Variants in CENPO observed in about 807,000 individuals in gnomAD.
The protein encoded by CENPO is centromeric protein O.
CENPO carries 30 observed loss-of-function variants against 36.1 expected under a neutral mutation model. The ratio of observed to expected loss-of-function variants is 0.83; its 90% CI spans 0.62 to 1.13. The LOEUF is 1.13. Ranked by LOEUF, CENPO falls within the 50% of genes most tolerant of loss-of-function variation. The pLI is 0.00. For missense variants in CENPO, 349 were observed against 357.8 expected (o/e 0.98, Z 0.20); for synonymous variants, 171 against 142.3 (o/e 1.20, Z -1.44).
chr2:24,799,942 T>C, intron 3 of CENPO, 98 bp downstream of exon 3: 1 of 1,337,838 alleles, frequency 7.5e-7, no homozygotes, highest in Non-Finnish European at 1.0e-6. Context: ...TGTGTTTTAC[T>C]TGTGATCTTA....
intron 3 of CENPO, among the ~76,000 whole-genome samples, chr2:24,804,686 C>T (rs542631021): frequency 2.9e-4 from 44 of 152,264 alleles, no homozygotes; most frequent in African/African-American, 7.7e-4. Context: ...GAGTTTGTGC[C>T]GAGAGATCAG....
In CENPO at chr2:24,817,733, C is replaced by T. The variant is rs748609442; in HGVS notation, c.830C>T (p.Thr277Met). The T allele has an allele frequency of 6.8e-6, 11 of 1,614,046 alleles. No homozygotes were observed. Among genetic ancestry groups the T allele is most frequent in the East Asian group, 4.5e-5 (2 of 44,894 alleles). Reference protein sequence around the residue: ...QRASHETLFCTKPLHQVFASF... With the variant: ...QRASHETLFCMKPLHQVFASF... ...GCATCTCATGAAACTCTGTTCTGTACGAAGCCCTTGCATCAAGTGTTTGCC... is the reference window on the plus strand; with the variant it reads ...GCATCTCATGAAACTCTGTTCTGTATGAAGCCCTTGCATCAAGTGTTTGCC... The change falls in exon 7 of 8, where the codon ACG becomes ATG. Residue 277 changes from threonine to methionine, a missense_variant. Physicochemically the swap from Thr to Met is moderately conservative, Grantham distance 81. Transcript: ENST00000380834.
rs1203919275 is a variant in CENPO, at chr2:24,808,112, G to A, written c.217-6264G>A. On this transcript the variant is annotated intron_variant, in intron 3 of 7. Coordinates refer to ENST00000380834, the MANE Select transcript of CENPO (RefSeq NM_001322101.2). ...TGATGAAAATCTTTGTTTTAATGAA[G>A]TTTGATTTAGTAATTAAACTTTATT... 2.0e-5 allele frequency among the ~76,000 whole-genome samples: 3 copies of A among 152,128 alleles called. No individual in the cohort carries two copies. In the South Asian group the frequency reaches 6.2e-4, roughly 32 times the overall value.
chr2:24,818,207 T>C (rs181098517), intron 7 of CENPO, among the ~76,000 whole-genome samples: 4 of 152,250 alleles, frequency 2.6e-5, no homozygotes, highest in African/African-American at 9.6e-5. Flanking sequence ...TGCTACTAAT[T>C]TAATGCCAGG....
At position 24,816,791 on chromosome 2, in the gene CENPO, C is replaced by G. The variant is rs372444871; in HGVS notation, c.740C>G (p.Pro247Arg). The change falls in exon 6 of 8, where the codon CCC becomes CGC. Residue 247 changes from proline (P) to arginine (R), a missense_variant. By Grantham distance (103) the Pro-to-Arg change is moderately radical (BLOSUM62 -2). Coordinates refer to ENST00000380834, the MANE Select transcript of CENPO (RefSeq NM_001322101.2). ...LLYKDLTATL[P>R]TDVTVTCQGV... ...TATAAGGACCTCACAGCAACTCTTC[C>G]CACTGACGTCACCGTGACATGTCAA... 1.9e-6 allele frequency: 3 copies of G among 1,604,376 alleles called. No homozygotes were observed. Among genetic ancestry groups the G allele is most frequent in the African/African-American group, 1.3e-5 (1 of 74,462 alleles).
At position 24,819,986 on chromosome 2, in the gene CENPO, G is replaced by T. The variant is rs1667306120; in HGVS notation, c.*668G>T. The T allele has an allele frequency of 6.2e-7, 1 of 1,613,550 alleles. No homozygotes were observed. Among genetic ancestry groups the T allele is most frequent in the African/African-American group, 1.3e-5 (1 of 74,880 alleles). On this transcript the variant is annotated 3_prime_UTR_variant, in exon 8 of 8. Transcript: ENST00000380834. ...GTGTGACAGAGGGGCCATTGGGGAAGGTGGCTAGCTTATCCCGCCCCTTCA... is the reference window on the plus strand; with the variant it reads ...GTGTGACAGAGGGGCCATTGGGGAATGTGGCTAGCTTATCCCGCCCCTTCA...
intron 3 of CENPO, among the ~76,000 whole-genome samples, chr2:24,804,867 T>G (rs548156779): frequency 1.3e-5 from 2 of 152,340 alleles, no homozygotes; most frequent in African/African-American, 4.8e-5. Flanking sequence ...ATATGAATAT[T>G]GGCCTGCCTT....
chr2:24,796,083 C>T (rs1160484518), intron 2 of CENPO, among the ~76,000 whole-genome samples: 6 of 152,036 alleles, frequency 3.9e-5, no homozygotes, highest in Admixed American at 1.3e-4. Flanking sequence ...TGGCCGGGCG[C>T]GGTGGCTCAC....
In CENPO at chr2:24,793,873, C is replaced by T. The variant is rs1266305955; in HGVS notation, c.-47C>T. On this transcript the variant is annotated 5_prime_UTR_variant, in exon 2 of 8. Coordinates refer to ENST00000380834, the MANE Select transcript of CENPO (RefSeq NM_001322101.2). Reference sequence around the variant, plus strand: ...TTAGCAAGGACATTGGAGTCCCTATCACCGGTTGCCTAGACAACTTCATGG... The same window carrying T: ...TTAGCAAGGACATTGGAGTCCCTATTACCGGTTGCCTAGACAACTTCATGG... 2 of 1,613,986 alleles carry T rather than the reference C, an allele frequency of 1.2e-6. No homozygotes were observed. The highest frequency in any genetic ancestry group is 1.1e-5 in the South Asian group (1 of 91,086).
chr2:24,815,412 G>A, intron 4 of CENPO, 85 bp from the exon 5 acceptor site: 1 of 971,162 alleles, frequency 1.0e-6, no homozygotes. Flanking sequence ...CATATTCTAG[G>A]CACTGTGGAA....
intron 3 of CENPO, among the ~76,000 whole-genome samples, chr2:24,803,643 A>G (rs1323520506): frequency 6.6e-6 from 1 of 152,104 alleles, no homozygotes; most frequent in Non-Finnish European, 1.5e-5. Context: ...GTGGTTTTGA[A>G]TGAATTTCTT....
chr2:24,799,960 G>T, intron 3 of CENPO, 116 bp downstream of exon 3: 1 of 1,173,420 alleles, frequency 8.5e-7, no homozygotes, highest in Non-Finnish European at 1.2e-6. Context: ...TTACTGGATT[G>T]ATTGCAGTCC....
At chr2:24,799,932 T>G (rs1666088438) in intron 3 of CENPO, 88 bp downstream of exon 3, 4 of 1,386,246 alleles carry the variant, frequency 2.9e-6, no homozygotes, top group Non-Finnish European at 4.0e-6. Context: ...TTTTTTATAA[T>G]GTGTTTTACT....
chr2:24,818,091 A>T (rs559796007), intron 7 of CENPO, among the ~76,000 whole-genome samples: 17 of 152,322 alleles, frequency 1.1e-4, no homozygotes, highest in Middle Eastern at 3.4e-3. Context: ...AATAAAAGCC[A>T]TTTTTTGAAA....
intron 4 of CENPO, 46 bp downstream of exon 4, chr2:24,814,539 G>T (rs369878207): frequency 1.7e-5 from 15 of 882,010 alleles, no homozygotes; most frequent in Non-Finnish European, 2.5e-5. Context: ...TCTGCCTCTA[G>T]TGAGTTAGTT....
At chr2:24,814,294 T>C in intron 3 of CENPO, 82 bp from the exon 4 acceptor site, 1 of 771,170 alleles carries the variant, frequency 1.3e-6, no homozygotes. Flanking sequence ...GCCTTGTATT[T>C]AGCTTTCATC....
Position 24,799,732 on chromosome 2 carries a change from C to CTG in CENPO, c.105_106dup (p.Glu36ValfsTer21). On this transcript the variant is annotated frameshift_variant, in exon 3 of 8. Transcript: ENST00000380834. LOFTEE classifies it high-confidence loss of function. ...CAAGTGAGCAGATCCCGTAAACAGT[C>CTG]TGAAGAGCTGCAGAGCGTGCAGGCC... 6 of 1,614,056 alleles carry CTG rather than the reference C, an allele frequency of 3.7e-6. No individual in the cohort carries two copies. Among genetic ancestry groups the CTG allele is most frequent in the Non-Finnish European group, 5.1e-6 (6 of 1,180,030 alleles).
At chr2:24,803,113 C>T (rs1438906971) in intron 3 of CENPO, among the ~76,000 whole-genome samples, 4 of 151,930 alleles carry the variant, frequency 2.6e-5, no homozygotes, top group African/African-American at 7.2e-5. Context: ...AGTTTATTTG[C>T]GTAGAGGTGT....
At chr2:24,796,984 GC>G (rs1665936870) in intron 2 of CENPO, among the ~76,000 whole-genome samples, 1 of 152,186 alleles carries the variant, frequency 6.6e-6, no homozygotes, top group Non-Finnish European at 1.5e-5. Context: ...AGGCCAGTAG[GC>G]CTCGTAGGCA....
Sources: gnomAD v4.1 joint callset for allele counts (sites outside exome capture counted in the v4.1 genomes callset) on GRCh38, gnomAD v4.1.1 for gene constraint, MANE v1.5 for transcripts, NCBI Gene and HGNC (gene_info 2026-07-23, HGNC 2026-07-21) for gene names.